The following CTNNA3 variants were observed in gnomAD, a reference collection of about 807,000 sequenced individuals.
CTNNA3 encodes catenin alpha 3.
Under a neutral mutation model 95.7 loss-of-function variants are expected in CTNNA3, and 76 were observed. That is an observed-to-expected ratio of 0.79 (90% CI 0.66 to 0.96). CTNNA3 has a LOEUF of 0.96. CTNNA3 is among the 40% of genes least tolerant of loss of function. CTNNA3 has a pLI of 0.00. For missense variants in CTNNA3, 1,191 were observed against 1,089.8 expected (o/e 1.09, Z -1.31); for synonymous variants, 431 against 374.4 (o/e 1.15, Z -1.74).
intron 3 of CTNNA3, among the ~76,000 whole-genome samples, chr10:67,551,159 C>T (rs184821864): frequency 1.3e-5 from 2 of 152,186 alleles, no homozygotes; most frequent in African/African-American, 4.8e-5. Context: ...CAGGCAGACA[C>T]ACAAGCGGCT....
intron 11 of CTNNA3, among the ~76,000 whole-genome samples, chr10:66,464,506 T>C (rs1251374874): frequency 6.6e-6 from 1 of 152,156 alleles, no homozygotes; most frequent in Non-Finnish European, 1.5e-5. Flanking sequence ...CTCACACCTA[T>C]AATCGCAGCA....
At chr10:66,030,265 C>A (rs1228046446) in intron 15 of CTNNA3, among the ~76,000 whole-genome samples, 2 of 152,120 alleles carry the variant, frequency 1.3e-5, no homozygotes, top group African/African-American at 4.8e-5. Context: ...ATAGCCAAAG[C>A]AATCCTAAGC....
intron 5 of CTNNA3, among the ~76,000 whole-genome samples, chr10:67,409,861 T>C (rs1278557090): frequency 6.6e-6 from 1 of 152,134 alleles, no homozygotes; most frequent in African/African-American, 2.4e-5. Context: ...AAATAACAGA[T>C]GCTGGAGAGG....
chr10:66,734,654 G>C (rs1294976611), intron 9 of CTNNA3, among the ~76,000 whole-genome samples: 1 of 152,070 alleles, frequency 6.6e-6, no homozygotes, highest in Non-Finnish European at 1.5e-5. Flanking sequence ...ACAAGGTCAG[G>C]AGTTCGAGAC....
intron 9 of CTNNA3, among the ~76,000 whole-genome samples, chr10:66,724,317 G>C (rs1564641062): frequency 2.0e-5 from 3 of 152,144 alleles, no homozygotes; most frequent in Admixed American, 6.6e-5. Context: ...TCACAAGATA[G>C]TGAGATGTGA....
chr10:66,843,326 G>T (rs2132354246), intron 7 of CTNNA3, among the ~76,000 whole-genome samples: 1 of 152,232 alleles, frequency 6.6e-6, no homozygotes, highest in East Asian at 1.9e-4. Flanking sequence ...TCTTTAACAA[G>T]CAGGCAAAGT....
At chr10:66,184,481 C>T (rs2086225537) in intron 13 of CTNNA3, among the ~76,000 whole-genome samples, 1 of 152,068 alleles carries the variant, frequency 6.6e-6, no homozygotes, top group Admixed American at 6.6e-5. Flanking sequence ...TTGTACAGTT[C>T]TAAGAAAGAG....
Position 67,656,196 on chromosome 10 carries a change from A to G in CTNNA3, c.-5-8678T>C, listed in dbSNP as rs192320302. ...TACATACACCTTCTACTCTCTTGGTAAACAAAAGGATCTGAGGTTTGTCAG... is the reference window on the plus strand; with the variant it reads ...TACATACACCTTCTACTCTCTTGGTGAACAAAAGGATCTGAGGTTTGTCAG... On this transcript the variant is annotated intron_variant, in intron 1 of 17. Transcript: ENST00000433211. Among the ~76,000 whole-genome samples the G allele has an allele frequency of 3.9e-5, 6 of 152,352 alleles. No homozygotes were observed. In the East Asian group the frequency reaches 9.6e-4, roughly 24 times the overall value.
At chr10:66,689,304 G>T (rs1224307790) in intron 9 of CTNNA3, among the ~76,000 whole-genome samples, 2 of 152,122 alleles carry the variant, frequency 1.3e-5, no homozygotes, top group African/African-American at 4.8e-5. Flanking sequence ...TTCAACAAAT[G>T]GCCTAGGTCC....
chr10:67,022,355 G>A (rs1186473838), intron 7 of CTNNA3, among the ~76,000 whole-genome samples: 1 of 152,150 alleles, frequency 6.6e-6, no homozygotes, highest in Non-Finnish European at 1.5e-5. Flanking sequence ...GTGTCTGTGT[G>A]TGTGTGTTCT....
intron 12 of CTNNA3, among the ~76,000 whole-genome samples, chr10:66,347,439 T>A (rs2092531712): frequency 6.6e-6 from 1 of 151,848 alleles, no homozygotes; most frequent in Non-Finnish European, 1.5e-5. Context: ...TTTTGTGAGA[T>A]TCCGTCTCTA....
In CTNNA3 at chr10:66,978,960, C is replaced by G. The variant is rs57596372; in HGVS notation, c.1047+201357G>C. Among the ~76,000 whole-genome samples, 147 of 83,790 alleles carry G rather than the reference C, an allele frequency of 1.8e-3. 1 individual carries two copies. The highest frequency in any genetic ancestry group is 6.2e-3 in the African/African-American group (138 of 22,118). 55.0% of individuals were successfully genotyped at this position (83,790 alleles called of 152,430 possible). A position where few individuals can be genotyped will look rare whatever the true frequency, so the allele number is the denominator to read the frequency against. ...TAGCCACTCCTCACATACTTATTTC[C>G]TTTTTTTTTTTTTTTTTTTTTTTTG... On this transcript the variant is annotated intron_variant, in intron 7 of 17. Coordinates refer to ENST00000433211, the MANE Select transcript of CTNNA3 (RefSeq NM_013266.4).
chr10:66,662,112 G>A (rs1846285484), intron 9 of CTNNA3, among the ~76,000 whole-genome samples: 1 of 152,116 alleles, frequency 6.6e-6, no homozygotes, highest in African/African-American at 2.4e-5. Context: ...AAAACGAATT[G>A]TTGTTTATCT....
At position 66,770,365 on chromosome 10, in the gene CTNNA3, A is replaced by G. The variant is rs74557367; in HGVS notation, c.1129-3949T>C. Among the ~76,000 whole-genome samples, 821 of 152,278 alleles carry G rather than the reference A, an allele frequency of 5.4e-3. 7 individuals carry two copies. The highest frequency in any genetic ancestry group is 0.019 in the African/African-American group (780 of 41,560). On this transcript the variant is annotated intron_variant, in intron 8 of 17. Coordinates refer to ENST00000433211, the MANE Select transcript of CTNNA3 (RefSeq NM_013266.4). ...AATGCATTCCTTTCAGTTGGGTGATATACAAAAAGTTTAAAGAAGAATGCA... is the reference window on the plus strand; with the variant it reads ...AATGCATTCCTTTCAGTTGGGTGATGTACAAAAAGTTTAAAGAAGAATGCA...
chr10:67,178,294 A>G (rs1046893935), intron 7 of CTNNA3, among the ~76,000 whole-genome samples: 1 of 152,138 alleles, frequency 6.6e-6, no homozygotes, highest in African/African-American at 2.4e-5. Context: ...AATAGCAAAT[A>G]AAAATAACCT....
intron 1 of CTNNA3, chr10:67,751,025 T>A: frequency 1.9e-6 from 3 of 1,543,228 alleles, no homozygotes; most frequent in Non-Finnish European, 1.8e-6. Context: ...CAGCCCAGGT[T>A]CTGATCCATT....
intron 10 of CTNNA3, among the ~76,000 whole-genome samples, chr10:66,559,696 C>A (rs545631474): frequency 4.4e-4 from 67 of 152,076 alleles, no homozygotes; most frequent in African/African-American, 1.4e-3. Context: ...CTGAAATGTT[C>A]TTTCCTCATT....
intron 9 of CTNNA3, among the ~76,000 whole-genome samples, chr10:66,686,137 C>T (rs1847287430): frequency 6.6e-6 from 1 of 152,190 alleles, no homozygotes. Flanking sequence ...CATGCGGATC[C>T]TGCTCCAGGG....
chr10:67,648,390 T>C (rs569658363), intron 1 of CTNNA3, among the ~76,000 whole-genome samples: 1 of 152,352 alleles, frequency 6.6e-6, no homozygotes, highest in East Asian at 1.9e-4. Flanking sequence ...GCATCGTTGA[T>C]TGCAAAGAGA....
Sources: allele counts gnomAD v4.1 joint callset (sites outside exome capture counted in the v4.1 genomes callset), GRCh38; gene constraint gnomAD v4.1.1; transcripts MANE v1.5; gene names NCBI Gene and HGNC (gene_info 2026-07-23, HGNC 2026-07-21).